The following LRRC37A2 variants were observed in gnomAD, a reference collection of about 807,000 sequenced individuals.
LRRC37A2 encodes leucine-rich repeat-containing protein 37A2.
In LRRC37A2, 9 loss-of-function variants were observed where a neutral mutation model predicts 68.8. The ratio of observed to expected loss-of-function variants is 0.13; its 90% CI spans 0.08 to 0.23. LRRC37A2 has a LOEUF of 0.23. LRRC37A2 is among the 10% of genes least tolerant of loss of function. The pLI, the probability that LRRC37A2 is intolerant of heterozygous loss-of-function variation, is 1.00. For missense variants in LRRC37A2, 168 were observed against 950.4 expected, an observed-to-expected ratio of 0.18 and a Z score of 10.82; for synonymous variants, 63 against 367.6, an observed-to-expected ratio of 0.17 and a Z score of 9.48.
chr17:47,021,967 A>G, the LRRC37A2 span: 14 of 1,464,638 alleles, frequency 9.6e-6, no homozygotes, highest in South Asian at 1.6e-4. Flanking sequence ...ACTGCATTGT[A>G]AGATCTTTCT....
the LRRC37A2 span, among the ~76,000 whole-genome samples, chr17:46,918,579 TAGAG>T: frequency 0.038 from 5,636 of 148,334 alleles, 343 homozygotes; most frequent in African/African-American, 0.14. Context: ...ACCAACCTGA[TAGAG>T]ATATAGCAGG....
the LRRC37A2 span, among the ~76,000 whole-genome samples, chr17:46,850,139 C>T: frequency 6.6e-6 from 1 of 152,196 alleles, no homozygotes. Context: ...CATGAGCCAA[C>T]GTGCCTGGCC....
At chr17:46,866,255 C>T in the LRRC37A2 span, among the ~76,000 whole-genome samples, 12 of 152,254 alleles carry the variant, frequency 7.9e-5, no homozygotes, top group African/African-American at 2.9e-4. Flanking sequence ...AGCCATGGTG[C>T]CCTCTCTTAC....
the LRRC37A2 span, among the ~76,000 whole-genome samples, chr17:47,026,374 T>C: frequency 6.6e-6 from 1 of 152,208 alleles, no homozygotes; most frequent in Non-Finnish European, 1.5e-5. Context: ...TGGGGAACCA[T>C]GTTACCACAG....
the LRRC37A2 span, among the ~76,000 whole-genome samples, chr17:46,760,737 CTCTAAAA>C: frequency 6.6e-6 from 1 of 151,924 alleles, no homozygotes; most frequent in Non-Finnish European, 1.5e-5. Context: ...ATCTGAAATG[CTCTAAAA>C]TCTAAAACTT....
chr17:46,762,762 C>A, the LRRC37A2 span: 1 of 152,000 alleles, frequency 6.6e-6, no homozygotes, highest in African/African-American at 2.4e-5. Context: ...ATACTATTAC[C>A]TGACTACGGC....
At chr17:47,034,819 T>C in the LRRC37A2 span, among the ~76,000 whole-genome samples, 2 of 151,978 alleles carry the variant, frequency 1.3e-5, no homozygotes, top group African/African-American at 4.8e-5. Flanking sequence ...CTTACAACTT[T>C]TCATGCCAAA....
the LRRC37A2 span, among the ~76,000 whole-genome samples, chr17:46,828,293 A>T: frequency 3.3e-4 from 50 of 150,498 alleles, no homozygotes; most frequent in Admixed American, 1.1e-3. Flanking sequence ...ATCTCCCAGG[A>T]TCTAATGATC....
the LRRC37A2 span, among the ~76,000 whole-genome samples, chr17:46,681,448 C>G: frequency 7.3e-6 from 1 of 136,238 alleles, no homozygotes; most frequent in Non-Finnish European, 1.6e-5. Context: ...TGTGATAGTG[C>G]CACTGCACTC....
chr17:47,025,958 T>A, the LRRC37A2 span, among the ~76,000 whole-genome samples: 4 of 134,146 alleles, frequency 3.0e-5, no homozygotes, highest in Admixed American at 8.1e-5. Context: ...GTTTTAAACA[T>A]GGTGGGCAAT....
the LRRC37A2 span, among the ~76,000 whole-genome samples, chr17:46,490,665 A>G: frequency 1.3e-5 from 2 of 148,672 alleles, no homozygotes; most frequent in South Asian, 4.2e-4. Context: ...CGGAGGTTGC[A>G]GTGAGCCGAT....
At chr17:46,950,267 C>G in the LRRC37A2 span, among the ~76,000 whole-genome samples, 6 of 152,352 alleles carry the variant, frequency 3.9e-5, no homozygotes, top group East Asian at 1.2e-3. Context: ...TCCCTCCATA[C>G]TGGTCCCCAG....
the LRRC37A2 span, among the ~76,000 whole-genome samples, chr17:46,721,097 G>A: frequency 6.6e-6 from 1 of 152,138 alleles, no homozygotes. Flanking sequence ...TAATCCCTGC[G>A]TGGCAGAGCC....
the LRRC37A2 span, among the ~76,000 whole-genome samples, chr17:47,014,772 G>C: frequency 6.6e-6 from 1 of 152,090 alleles, no homozygotes; most frequent in Non-Finnish European, 1.5e-5. Flanking sequence ...CTGGCCTTAA[G>C]AATGATTGCG....
the LRRC37A2 span, among the ~76,000 whole-genome samples, chr17:46,837,217 A>AGGCGTGAGCC: frequency 6.6e-6 from 1 of 152,208 alleles, no homozygotes; most frequent in Non-Finnish European, 1.5e-5. Context: ...CTGGGATTAC[A>AGGCGTGAGCC]GGCGTGAGCC....
chr17:46,876,082 C>G, the LRRC37A2 span, among the ~76,000 whole-genome samples: 2 of 152,214 alleles, frequency 1.3e-5, no homozygotes, highest in African/African-American at 4.8e-5. Flanking sequence ...CGTAAGTTGT[C>G]TATTCCACAA....
the LRRC37A2 span, among the ~76,000 whole-genome samples, chr17:46,911,827 A>G: frequency 1.3e-5 from 2 of 152,164 alleles, no homozygotes; most frequent in Admixed American, 6.5e-5. Flanking sequence ...AGGTTGCAGT[A>G]AGCCGAGATC....
chr17:47,028,053 C>T, the LRRC37A2 span, among the ~76,000 whole-genome samples: 1 of 152,190 alleles, frequency 6.6e-6, no homozygotes, highest in East Asian at 1.9e-4. Context: ...ATAAAGATCA[C>T]TTAACACAGG....
At chr17:46,837,506 C>T in the LRRC37A2 span, among the ~76,000 whole-genome samples, 3 of 152,190 alleles carry the variant, frequency 2.0e-5, no homozygotes, top group African/African-American at 7.2e-5. Context: ...ACTAGAACCC[C>T]ATGCAAGAGC....
Sources: allele counts gnomAD v4.1 joint callset (sites outside exome capture counted in the v4.1 genomes callset), GRCh38; gene constraint gnomAD v4.1.1; transcripts MANE v1.5; gene names NCBI Gene and HGNC (gene_info 2026-07-23, HGNC 2026-07-21).